Variants in DDT observed in about 807,000 individuals in gnomAD.
DDT encodes the protein D-dopachrome tautomerase.
Under a neutral mutation model 2.5 loss-of-function variants are expected in DDT, and 4 were observed. The observed-to-expected ratio is 1.59, with a 90% CI of 0.78 to 3.63. The LOEUF is 3.63. DDT is among the 30% of genes most tolerant of loss of function. The pLI is 0.01. For synonymous variants in DDT, 11 were observed against 10.0 expected, an observed-to-expected ratio of 1.10 and a Z score of -0.19; for missense variants, 32 against 30.0, an observed-to-expected ratio of 1.07 and a Z score of -0.15.
At chr22:23,980,352 AC>A, upstream of DDT, 1 of 183,430 alleles carries the variant, frequency 5.5e-6, no homozygotes, top group East Asian at 5.0e-5. Flanking sequence ...AACCCAGTGC[AC>A]CCCCAGGCCC....
intron 2 of DDT, chr22:23,972,840 T>C (rs2033932382): frequency 7.6e-6 from 1 of 130,758 alleles, no homozygotes; most frequent in Non-Finnish European, 1.3e-5. Flanking sequence ...GCTGAAACCA[T>C]CCTCCCACTT....
chr22:23,972,052 C>G (rs895096319), intron 2 of DDT: 2 of 492,278 alleles, frequency 4.1e-6, no homozygotes, highest in Non-Finnish European at 2.6e-6. Flanking sequence ...GTGAACATGC[C>G]CCTCTCAGAG....
At chr22:23,971,940 G>A (rs2033913620) in intron 2 of DDT, 1 of 257,650 alleles carries the variant, frequency 3.9e-6, no homozygotes, top group South Asian at 9.4e-5. Flanking sequence ...CCTAATTGCA[G>A]GCTCCCTAAG....
chr22:23,971,496 A>C lies in DDT; in HGVS notation c.*55T>G. 1 of 1,609,868 alleles carries C rather than the reference A, an allele frequency of 6.2e-7. No individual in the cohort carries two copies. The highest frequency in any genetic ancestry group is 1.7e-5 in the Admixed American group (1 of 59,674). On this transcript the variant is annotated 3_prime_UTR_variant, in exon 3 of 3. Coordinates refer to ENST00000398344, the MANE Select transcript of DDT (RefSeq NM_001084392.3). ...CTCCAGGCCCTCACTCTGCCAAGAG[A>C]TCTCTCTGGAAGAAGCAGCCAGTTC...
At chr22:23,974,965 GC>G (rs1158359135), upstream of DDT, among the ~76,000 whole-genome samples, 1 of 103,334 alleles carries the variant, frequency 9.7e-6, no homozygotes, top group Non-Finnish European at 2.2e-5. Context: ...GTGGTTACTC[GC>G]GGGGGCGCGG....
chr22:23,972,653 GTAT>G (rs2033929654), intron 2 of DDT: 1 of 601,832 alleles, frequency 1.7e-6, no homozygotes, highest in Non-Finnish European at 2.1e-6. Context: ...GGGGCTGACT[GTAT>G]TATTCCTCTG....
intron 2 of DDT, chr22:23,972,532 G>A (rs912377738): frequency 9.6e-6 from 7 of 726,176 alleles, no homozygotes; most frequent in Non-Finnish European, 1.2e-5. Context: ...ATAATGACAA[G>A]GAATAAAGTC....
In DDT at chr22:23,971,887, T is replaced by C. The variant is rs1293960524; in HGVS notation, c.285-264A>G. The C allele has an allele frequency of 1.4e-5, 6 of 433,960 alleles. No individual in the cohort carries two copies. The Admixed American group carries it at 1.6e-4, about 11-fold the overall frequency. The allele number at this position is 433,960 out of a possible 1,614,324, so 26.9% of individuals were successfully genotyped here. ...TAGCCTCGGTGTGTGTGCCGTACAC[T>C]CTATCATCTCCATCAGTTTGTGTAC... On this transcript the variant is annotated intron_variant, in intron 2 of 2. Transcript: ENST00000398344.
At chr22:23,971,655 C>T (rs924600847) in intron 2 of DDT, 32 bp from the exon 3 acceptor site, 2 of 1,594,422 alleles carry the variant, frequency 1.3e-6, no homozygotes, top group Admixed American at 1.7e-5. Context: ...ATATCATCAG[C>T]TCCTTGGCTA....
In DDT at chr22:23,971,428, G is replaced by T. The variant is rs368842654; in HGVS notation, c.*123C>A. On this transcript the variant is annotated 3_prime_UTR_variant, in exon 3 of 3. Coordinates refer to ENST00000398344, the MANE Select transcript of DDT (RefSeq NM_001084392.3). ...ATGAGGATGAAGAAGAGGATTATGT[G>T]ATCACAGGAATGTTGCATGCGGGAT... 3.1e-6 allele frequency: 5 copies of T among 1,611,222 alleles called. No individual in the cohort carries two copies. Among genetic ancestry groups the T allele is most frequent in the South Asian group, 1.1e-5 (1 of 90,762 alleles).
At chr22:23,971,710 T>G in intron 2 of DDT, 87 bp from the exon 3 acceptor site, 1 of 1,226,902 alleles carries the variant, frequency 8.2e-7, no homozygotes, top group Non-Finnish European at 1.2e-6. Flanking sequence ...CCACTGTGGG[T>G]ACTCAGGACA....
At chr22:23,972,129 T>C (rs1027883511) in intron 2 of DDT, 405 of 982,002 alleles carry the variant, frequency 4.1e-4, no homozygotes, top group Non-Finnish European at 4.7e-4. Context: ...GGCGGGAGTA[T>C]GAACAGCCTG....
Position 23,971,453 on chromosome 22 carries a change from T to A in DDT, c.*98A>T, listed in dbSNP as rs1230964478. The stretch of plus-strand genomic sequence containing the variant: ...GATCACAGGAATGTTGCATGCGGGA[T>A]AATCCAAAGCTGGTTATCTCCAGGC... On this transcript the variant is annotated 3_prime_UTR_variant, in exon 3 of 3. Coordinates refer to ENST00000398344, the MANE Select transcript of DDT (RefSeq NM_001084392.3). 2 of 1,608,030 alleles carry A rather than the reference T, an allele frequency of 1.2e-6. No individual in the cohort carries two copies. The highest frequency in any genetic ancestry group is 1.3e-5 in the African/African-American group (1 of 74,748).
Position 23,971,493 on chromosome 22 carries a change from G to A in DDT, c.*58C>T. On this transcript the variant is annotated 3_prime_UTR_variant, in exon 3 of 3. Transcript: ENST00000398344. ...TATCTCCAGGCCCTCACTCTGCCAA[G>A]AGATCTCTCTGGAAGAAGCAGCCAG... The A allele has an allele frequency of 6.2e-7, 1 of 1,609,710 alleles. No individual in the cohort carries two copies. The highest frequency in any genetic ancestry group is 1.7e-5 in the Admixed American group (1 of 59,706).
chr22:23,972,777 A>G, intron 2 of DDT: 1 of 583,574 alleles, frequency 1.7e-6, no homozygotes, highest in Non-Finnish European at 2.1e-6. Flanking sequence ...TCACTGTCAC[A>G]CAGGATGGAG....
chr22:23,975,605 CTCT>C (rs1233366549), upstream of DDT, among the ~76,000 whole-genome samples: 6 of 88,642 alleles, frequency 6.8e-5, no homozygotes, highest in Non-Finnish European at 1.2e-4. Flanking sequence ...TAGCAAGATT[CTCT>C]TCTTTATTTT....
At position 23,971,460 on chromosome 22, in the gene DDT, A is replaced by C. The variant is rs1284780335; in HGVS notation, c.*91T>G. ...GGAATGTTGCATGCGGGATAATCCAAAGCTGGTTATCTCCAGGCCCTCACT... is the reference window on the plus strand; with the variant it reads ...GGAATGTTGCATGCGGGATAATCCACAGCTGGTTATCTCCAGGCCCTCACT... On this transcript the variant is annotated 3_prime_UTR_variant, in exon 3 of 3. Transcript: ENST00000398344. The C allele has an allele frequency of 1.2e-6, 2 of 1,607,268 alleles. No individual in the cohort carries two copies. The highest frequency in any genetic ancestry group is 2.2e-5 in the East Asian group (1 of 44,800).
chr22:23,971,692 A>G, intron 2 of DDT, 69 bp from the exon 3 acceptor site: 1 of 1,430,226 alleles, frequency 7.0e-7, no homozygotes, highest in Non-Finnish European at 9.7e-7. Context: ...GACCCCTGCC[A>G]GGTACTCCCA....
rs1223776673 is a variant in DDT, at chr22:23,971,601, A to AG, written c.306dup (p.Glu104GlyfsTer67). On this transcript the variant is annotated frameshift_variant, in exon 3 of 3. Coordinates refer to ENST00000398344, the MANE Select transcript of DDT (RefSeq NM_001084392.3). LOFTEE classifies it high-confidence loss of function. ...ATCTTGCCAATCTGCCAGGACTCCA[A>AG]GGGGAAAAAGCGGATAAGTATCCTT... The AG allele has an allele frequency of 3.7e-6, 6 of 1,614,186 alleles. No individual in the cohort carries two copies. The highest frequency in any genetic ancestry group is 5.1e-6 in the Non-Finnish European group (6 of 1,180,006).
Sources: gnomAD v4.1 joint callset for allele counts (sites outside exome capture counted in the v4.1 genomes callset) on GRCh38, gnomAD v4.1.1 for gene constraint, MANE v1.5 for transcripts, NCBI Gene and HGNC (gene_info 2026-07-23, HGNC 2026-07-21) for gene names.